Variants in BLM observed in about 807,000 individuals in gnomAD.
The protein encoded by BLM is recQ-like DNA helicase BLM.
In BLM, 95 loss-of-function variants were observed where a neutral mutation model predicts 135.3. The observed-to-expected ratio is 0.70, with a 90% CI of 0.59 to 0.83. BLM has a LOEUF of 0.83. Ranked by LOEUF, BLM falls within the 40% of genes least tolerant of loss-of-function variation. The pLI, the probability that BLM is intolerant of heterozygous loss-of-function variation, is 0.00. For synonymous variants in BLM, 520 were observed against 589.2 expected (o/e 0.88, Z 1.70); for missense variants, 1,518 against 1,663.9 (o/e 0.91, Z 1.53).
intron 5 of BLM, chr15:90,755,217 C>A: frequency 4.7e-6 from 2 of 428,384 alleles, no homozygotes; most frequent in Non-Finnish European, 8.3e-6. Flanking sequence ...AACTTTAATT[C>A]TAGGAGGTTT....
At position 90,815,617 on chromosome 15, in the gene BLM, C is replaced by T. The variant is rs1351607516; in HGVS notation, c.*338C>T. On this transcript the variant is annotated 3_prime_UTR_variant, in exon 22 of 22. Transcript: ENST00000355112. The surrounding 1 kb of genome is among the most constrained non-coding windows in gnomAD (Gnocchi z 4.6). ...GGGCCCTTGTGAAACTAAAGCTTTT[C>T]GTGTAAGACAACACAAACAAAATTT... 9.6e-6 allele frequency: 3 copies of T among 313,574 alleles called. No homozygotes were observed. Among genetic ancestry groups the T allele is most frequent in the Non-Finnish European group, 1.2e-5 (2 of 167,286 alleles). 19.4% of individuals were successfully genotyped at this position (313,574 alleles called of 1,614,324 possible).
intron 17 of BLM, among the ~76,000 whole-genome samples, chr15:90,799,339 G>C (rs868141824): frequency 1.3e-5 from 2 of 151,784 alleles, no homozygotes; most frequent in African/African-American, 2.4e-5. Flanking sequence ...TAATGGAAAA[G>C]AAATAAAAAT....
chr15:90,742,998 CTTT>C (rs11306432), intron 1 of BLM, among the ~76,000 whole-genome samples: 123 of 140,014 alleles, frequency 8.8e-4, no homozygotes, highest in Middle Eastern at 3.8e-3. Flanking sequence ...TTTCCTGTGA[CTTT>C]TTTTTTTTTT....
chr15:90,802,248 A>G (rs1466690211), intron 17 of BLM, among the ~76,000 whole-genome samples: 2 of 152,244 alleles, frequency 1.3e-5, no homozygotes, highest in African/African-American at 2.4e-5. Flanking sequence ...GAAATGGACA[A>G]TAATATAATT....
chr15:90,746,501 T>C (rs893170753), intron 1 of BLM, among the ~76,000 whole-genome samples: 1 of 152,210 alleles, frequency 6.6e-6, no homozygotes, highest in African/African-American at 2.4e-5. Flanking sequence ...TAAATTCTGA[T>C]TTTCACTGTT....
rs1555419996 is a variant in BLM, at chr15:90,761,226, ACTT to A, written c.1856_1858del (p.Phe619del). On this transcript the variant is annotated inframe_deletion, in exon 7 of 22. Transcript: ENST00000355112. Reference sequence around the variant, plus strand: ...GTGTCATCTACTGCTCAAAATATAAACTTCTCAGAGTCAATTCAGAATTATACT... The same window carrying A: ...GTGTCATCTACTGCTCAAAATATAAACTCAGAGTCAATTCAGAATTATACT... The A allele has an allele frequency of 6.5e-7, 1 of 1,535,580 alleles. No homozygotes were observed. Among genetic ancestry groups the A allele is most frequent in the Non-Finnish European group, 8.7e-7 (1 of 1,145,430 alleles).
chr15:90,768,411 C>T (rs568558719), intron 10 of BLM, among the ~76,000 whole-genome samples: 22 of 152,316 alleles, frequency 1.4e-4, no homozygotes, highest in African/African-American at 5.3e-4. Flanking sequence ...GATGTGAGTG[C>T]TACATGTGCT....
chr15:90,721,242 C>A (rs1424191003), intron 1 of BLM, among the ~76,000 whole-genome samples: 1 of 151,972 alleles, frequency 6.6e-6, no homozygotes, highest in Non-Finnish European at 1.5e-5. Flanking sequence ...GTTTATATTC[C>A]CTGAACATTT....
chr15:90,789,987 G>GTTTTTTTT lies in BLM; in HGVS notation c.2824-633_2824-626dup, dbSNP rs61059865. ...AGGTCTAAGATCCGCAGTCCCTGGT[G>GTTTTTTTT]TTTTTTTTTTTTTTTTTTTTTTTTT... is the stretch of plus-strand genomic sequence containing the variant. On this transcript the variant is annotated intron_variant, in intron 14 of 21. Coordinates refer to ENST00000355112, the MANE Select transcript of BLM (RefSeq NM_000057.4). Among the ~76,000 whole-genome samples the GTTTTTTTT allele has an allele frequency of 7.8e-4, 45 of 57,362 alleles. 6 individuals carry two copies. The highest frequency in any genetic ancestry group is 2.1e-3 in the African/African-American group (39 of 18,934). 37.6% of individuals were successfully genotyped at this position (57,362 alleles called of 152,430 possible).
At chr15:90,801,483 G>A (rs1287245493) in intron 17 of BLM, among the ~76,000 whole-genome samples, 1 of 152,196 alleles carries the variant, frequency 6.6e-6, no homozygotes, top group Non-Finnish European at 1.5e-5. Flanking sequence ...TCTATTGAAA[G>A]TTAGAAACAT....
chr15:90,811,916 C>CGGAG, intron 21 of BLM, among the ~76,000 whole-genome samples: 1 of 152,128 alleles, frequency 6.6e-6, no homozygotes, highest in South Asian at 2.1e-4. Flanking sequence ...CTTTGGTCTC[C>CGGAG]CCAAAGTGCT....
At chr15:90,810,077 T>TC (rs1018129083) in intron 20 of BLM, among the ~76,000 whole-genome samples, 2 of 151,658 alleles carry the variant, frequency 1.3e-5, no homozygotes, top group African/African-American at 2.4e-5. Flanking sequence ...TAGTCGCTTT[T>TC]TTTTTTTTTG....
chr15:90,813,211 G>A (rs180713223), intron 21 of BLM, among the ~76,000 whole-genome samples: 1 of 152,306 alleles, frequency 6.6e-6, no homozygotes, highest in African/African-American at 2.4e-5. Context: ...TCATCTTTAT[G>A]TATTAGAACA....
intron 16 of BLM, among the ~76,000 whole-genome samples, chr15:90,797,678 A>T: frequency 6.6e-6 from 1 of 152,102 alleles, no homozygotes. Flanking sequence ...GAACTAGGGG[A>T]GAGAAAGGCA....
intron 1 of BLM, among the ~76,000 whole-genome samples, chr15:90,725,781 G>T (rs1030463093): frequency 6.6e-6 from 1 of 151,718 alleles, no homozygotes; most frequent in African/African-American, 2.4e-5. Context: ...AAAGTGCTGG[G>T]ATTACAGGCG....
intron 16 of BLM, among the ~76,000 whole-genome samples, chr15:90,794,656 CA>C (rs1298012843): frequency 4.0e-5 from 6 of 149,874 alleles, no homozygotes; most frequent in African/African-American, 1.5e-4. Flanking sequence ...TGCAAACATC[CA>C]AAAAGATCCA....
chr15:90,738,092 C>G (rs773333835), intron 1 of BLM, among the ~76,000 whole-genome samples: 2 of 151,760 alleles, frequency 1.3e-5, no homozygotes, highest in Non-Finnish European at 2.9e-5. Context: ...ACATAACCAC[C>G]AAGACAGAAT....
At chr15:90,719,504 G>C (rs1246287569) in intron 1 of BLM, among the ~76,000 whole-genome samples, 2 of 152,114 alleles carry the variant, frequency 1.3e-5, no homozygotes, top group Non-Finnish European at 2.9e-5. Flanking sequence ...GGGAGGCTGA[G>C]GCACGAGAAT....
intron 17 of BLM, among the ~76,000 whole-genome samples, chr15:90,798,815 C>G (rs1266128081): frequency 6.6e-6 from 1 of 152,044 alleles, no homozygotes; most frequent in Admixed American, 6.6e-5. Flanking sequence ...AACCCTGTCT[C>G]TACTAAAAAT....
Sources: gnomAD v4.1 joint callset for allele counts (sites outside exome capture counted in the v4.1 genomes callset) on GRCh38, gnomAD v4.1.1 for gene constraint, Gnocchi (gnomAD v3.1) non-coding constraint, MANE v1.5 for transcripts, NCBI Gene and HGNC (gene_info 2026-07-23, HGNC 2026-07-21) for gene names.